NRAP: variants seen among roughly 807,000 people sequenced by gnomAD.
NRAP encodes nebulin-related-anchoring protein.
Under a neutral mutation model 225.9 loss-of-function variants are expected in NRAP, and 189 were observed. The ratio of observed to expected loss-of-function variants is 0.84; its 90% CI spans 0.74 to 0.94. The LOEUF (loss-of-function observed/expected upper bound fraction) is 0.94, where lower values mean the gene tolerates loss of function less well. Ranked by LOEUF, NRAP falls within the 40% of genes least tolerant of loss-of-function variation. NRAP has a pLI of 0.00. For synonymous variants in NRAP, 769 were observed against 790.7 expected (o/e 0.97, Z 0.46); for missense variants, 2,176 against 2,168.7 (o/e 1.00, Z -0.07).
At chr10:113,621,779 T>G (rs1848003380) in intron 24 of NRAP, 90 bp downstream of exon 24, 1 of 1,216,660 alleles carries the variant, frequency 8.2e-7, no homozygotes, top group African/African-American at 1.5e-5. Flanking sequence ...GCATAAATTG[T>G]TGCACTGAAT....
intron 13 of NRAP, among the ~76,000 whole-genome samples, chr10:113,640,835 G>A (rs1475054176): frequency 1.3e-5 from 2 of 152,142 alleles, no homozygotes; most frequent in African/African-American, 2.4e-5. Context: ...CTGGATTGAC[G>A]AAGCTAAAGA....
In NRAP at chr10:113,645,921, G is replaced by A. The variant is rs137938246; in HGVS notation, c.1014C>T (p.Phe338=). ...LASDIKYRQD[F]NKMKGAAHYH... is the part of the protein sequence containing the mutation. ...AATGTGCAGCGCCTTTCATCTTATT[G>A]AAGTCCTGCCTGTATTTTATCTGAA... Residue 338 remains phenylalanine (F), a synonymous_variant, in exon 11 of 42, where the codon TTC becomes TTT. Transcript: ENST00000359988. 8 of 1,582,760 alleles carry A rather than the reference G, an allele frequency of 5.1e-6. No individual in the cohort carries two copies. The East Asian group carries it at 1.6e-4, about 31-fold the overall frequency.
At chr10:113,610,340 A>C in intron 31 of NRAP, 119 bp downstream of exon 31, 19 of 548,332 alleles carry the variant, frequency 3.5e-5, no homozygotes, top group African/African-American at 3.9e-5. Context: ...ACAGAGCGAG[A>C]CTCCATCTCA....
At chr10:113,639,103 A>AT (rs1849049741) in intron 14 of NRAP, among the ~76,000 whole-genome samples, 2 of 151,332 alleles carry the variant, frequency 1.3e-5, no homozygotes, top group African/African-American at 4.9e-5. Flanking sequence ...AAAAAAAAAA[A>AT]AAAAAAAAAA....
intron 29 of NRAP, among the ~76,000 whole-genome samples, chr10:113,612,805 C>A (rs1005899115): frequency 6.6e-6 from 1 of 152,156 alleles, no homozygotes; most frequent in Non-Finnish European, 1.5e-5. Flanking sequence ...TTTTTCCCAT[C>A]GCCCACTCAA....
intron 12 of NRAP, among the ~76,000 whole-genome samples, 169 bp downstream of exon 12, chr10:113,642,765 G>A (rs573233391): frequency 6.6e-6 from 1 of 152,294 alleles, no homozygotes; most frequent in East Asian, 1.9e-4. Flanking sequence ...TGAACACTAT[G>A]AGGACCAATC....
chr10:113,608,761 G>A (rs116314855), intron 31 of NRAP, among the ~76,000 whole-genome samples: 2,585 of 152,312 alleles, frequency 0.017, 96 homozygotes, highest in African/African-American at 0.059. Context: ...CCTTTGCCAT[G>A]AATGTGAACA....
intron 3 of NRAP, among the ~76,000 whole-genome samples, chr10:113,658,453 A>G (rs1850447277): frequency 6.6e-6 from 1 of 152,248 alleles, no homozygotes; most frequent in African/African-American, 2.4e-5. Flanking sequence ...CCTCTCAGTA[A>G]CATCTTCATA....
chr10:113,618,669 G>A lies in NRAP; in HGVS notation c.2875-1116C>T, dbSNP rs182796564. ...TGGAATTAAGAAGGTGGCCCAGGCC[G>A]AGTGCAGTGGCTCACGCCTGTAGCC... On this transcript the variant is annotated intron_variant, in intron 25 of 41. Transcript: ENST00000359988. Among the ~76,000 whole-genome samples, 362 of 152,372 alleles carry A rather than the reference G, an allele frequency of 2.4e-3. 2 individuals are homozygous for A. Among genetic ancestry groups the A allele is most frequent in the Non-Finnish European group, 5.0e-4 (34 of 68,034 alleles).
rs183702460 is a variant in NRAP at position 113,590,948 on chromosome 10, C to T, written c.4645-59G>A. The T allele has an allele frequency of 9.5e-5, 141 of 1,487,620 alleles. No homozygotes were observed. The African/African-American group carries it at 1.8e-3, about 19-fold the overall frequency. The allele number at this position is 1,487,620 out of a possible 1,614,324, so 92.2% of individuals were successfully genotyped here. A position where few individuals can be genotyped will look rare whatever the true frequency, so the allele number is the denominator to read the frequency against. On this transcript the variant is annotated intron_variant, in intron 39 of 41. Transcript: ENST00000359988. ...TGCCTACCTCCCCCAGGACCAGCCT[C>T]ACATATGGGGCCATCCCAGGGCATT...
chr10:113,655,693 A>G (rs1308333110), intron 4 of NRAP, among the ~76,000 whole-genome samples: 2 of 151,984 alleles, frequency 1.3e-5, no homozygotes. Context: ...CAGGTGATCC[A>G]CCCACCTTGG....
At chr10:113,617,705 G>T in intron 25 of NRAP, 152 bp from the exon 26 acceptor site, 1 of 604,388 alleles carries the variant, frequency 1.7e-6, no homozygotes, top group Non-Finnish European at 3.0e-6. Context: ...GGTGCCTTCA[G>T]GTTAATATTT....
At chr10:113,590,961 A>T in intron 39 of NRAP, 72 bp from the exon 40 acceptor site, 1 of 1,326,398 alleles carries the variant, frequency 7.5e-7, no homozygotes, top group Non-Finnish European at 1.1e-6. Context: ...ATATGGGGCC[A>T]TCCCAGGGCA....
At chr10:113,633,046 A>G in intron 16 of NRAP, 38 bp downstream of exon 16, 1 of 1,041,012 alleles carries the variant, frequency 9.6e-7, no homozygotes, top group Non-Finnish European at 1.5e-6. Context: ...ACATCGCTCT[A>G]TAACCCCCTC....
At chr10:113,641,527 G>A (rs1849202768) in intron 12 of NRAP, 55 bp from the exon 13 acceptor site, 1 of 1,017,190 alleles carries the variant, frequency 9.8e-7, no homozygotes, top group Admixed American at 1.7e-5. Context: ...AGTAGTTGAA[G>A]ATAAACTACT....
intron 4 of NRAP, 108 bp downstream of exon 4, chr10:113,657,362 G>A (rs1850370070): frequency 1.5e-6 from 1 of 660,180 alleles, no homozygotes; most frequent in African/African-American, 1.8e-5. Context: ...CAAACTGGGT[G>A]AAAGGAAACC....
At chr10:113,599,987 T>C (rs1846501472) in intron 35 of NRAP, among the ~76,000 whole-genome samples, 1 of 152,212 alleles carries the variant, frequency 6.6e-6, no homozygotes, top group South Asian at 2.1e-4. Context: ...TGAGTTCTAA[T>C]GCAGAAGGAA....
chr10:113,653,391 T>C (rs1850108087), intron 5 of NRAP, among the ~76,000 whole-genome samples: 1 of 152,216 alleles, frequency 6.6e-6, no homozygotes, highest in African/African-American at 2.4e-5. Flanking sequence ...AGTACTACAG[T>C]ATTGGAAGTA....
chr10:113,590,207 G>A (rs1288832396), intron 40 of NRAP, among the ~76,000 whole-genome samples: 1 of 152,150 alleles, frequency 6.6e-6, no homozygotes, highest in East Asian at 1.9e-4. Context: ...CGAGAGCTTG[G>A]GCCCTCACAG....
Sources: gnomAD v4.1 joint callset for allele counts (sites outside exome capture counted in the v4.1 genomes callset) on GRCh38, gnomAD v4.1.1 for gene constraint, MANE v1.5 for transcripts, NCBI Gene and HGNC (gene_info 2026-07-23, HGNC 2026-07-21) for gene names.